The following SNRPA1 variants were observed in gnomAD, a reference collection of about 807,000 sequenced individuals.
SNRPA1 encodes the protein U2 small nuclear ribonucleoprotein A'.
Under a neutral mutation model 32.3 loss-of-function variants are expected in SNRPA1, and 5 were observed. That is an observed-to-expected ratio of 0.15 (90% CI 0.08 to 0.33). The LOEUF (loss-of-function observed/expected upper bound fraction) is 0.33. Ranked by LOEUF, SNRPA1 falls within the 10% of genes least tolerant of loss-of-function variation. The pLI is 1.00. For synonymous variants in SNRPA1, 111 were observed against 120.1 expected, an observed-to-expected ratio of 0.92 and a Z score of 0.50; for missense variants, 198 against 311.1, an observed-to-expected ratio of 0.64 and a Z score of 2.74.
chr15:101,292,560 A>G (rs915630916), intron 2 of SNRPA1, among the ~76,000 whole-genome samples: 2 of 151,636 alleles, frequency 1.3e-5, no homozygotes, highest in African/African-American at 4.9e-5. Flanking sequence ...CTCAATTTCA[A>G]TAAGTAACAG....
At chr15:101,281,878 A>C in intron 8 of SNRPA1, 96 bp from the exon 9 acceptor site, 1 of 1,148,764 alleles carries the variant, frequency 8.7e-7, no homozygotes, top group East Asian at 2.4e-5. Context: ...TTTGTTACAC[A>C]CTGAAGTAGG....
rs1170246471 is a variant in SNRPA1, at chr15:101,286,137, T to C, written c.539+77A>G. On this transcript the variant is annotated intron_variant, in intron 6 of 8. Transcript: ENST00000254193. Reference sequence around the variant, plus strand: ...ATGTCAGAGTTTTTGGTTAATTTTGTAGGAGACGAACTGCCAGACAGATCA... The same window carrying C: ...ATGTCAGAGTTTTTGGTTAATTTTGCAGGAGACGAACTGCCAGACAGATCA... The C allele has an allele frequency of 1.3e-5, 16 of 1,246,750 alleles. 1 individual carries two copies. In the Admixed American group the frequency reaches 2.6e-4, roughly 21 times the overall value. 77.2% of individuals were successfully genotyped at this position (1,246,750 alleles called of 1,614,324 possible).
chr15:101,287,839 A>G (rs2039473212), intron 3 of SNRPA1, 137 bp from the exon 4 acceptor site: 1 of 696,774 alleles, frequency 1.4e-6, no homozygotes, highest in Non-Finnish European at 2.6e-6. Flanking sequence ...GCCCAATACT[A>G]GCACATCACA....
At chr15:101,294,737 C>T (rs2039567905) in intron 1 of SNRPA1, 2 of 274,890 alleles carry the variant, frequency 7.3e-6, no homozygotes, top group East Asian at 6.3e-5. Context: ...AAGAACCAAT[C>T]CCGCGCCCTG....
intron 2 of SNRPA1, 40 bp downstream of exon 2, chr15:101,292,984 TA>T (rs2039544194): frequency 6.8e-7 from 1 of 1,460,812 alleles, no homozygotes; most frequent in East Asian, 2.4e-5. Context: ...CTGCAACATT[TA>T]CTCTAGGGGA....
chr15:101,281,520 A>G lies in SNRPA1; in HGVS notation c.*204T>C, dbSNP rs1318104108. 2 of 541,808 alleles carry G rather than the reference A, an allele frequency of 3.7e-6. No individual in the cohort carries two copies. The highest frequency in any genetic ancestry group is 3.4e-6 in the Non-Finnish European group (1 of 297,682). The allele number at this position is 541,808 out of a possible 1,614,324, so 33.6% of individuals were successfully genotyped here. On this transcript the variant is annotated 3_prime_UTR_variant, in exon 9 of 9. Transcript: ENST00000254193. ...ATGATGACACACAACTTGGTAGCAT[A>G]GTGAGTGGAGTTTATTTTTATAATT...
chr15:101,293,453 A>G, intron 1 of SNRPA1: 1 of 233,392 alleles, frequency 4.3e-6, no homozygotes, highest in Non-Finnish European at 8.4e-6. Flanking sequence ...AACATTTATA[A>G]GAACATTTAC....
chr15:101,292,958 A>G (rs553344838), intron 2 of SNRPA1, 67 bp downstream of exon 2: 4 of 1,121,298 alleles, frequency 3.6e-6, no homozygotes, highest in African/African-American at 1.6e-5. Flanking sequence ...ACGTGCTACA[A>G]CTTCTTCAGG....
chr15:101,283,557 C>A (rs2141305261), intron 8 of SNRPA1, among the ~76,000 whole-genome samples: 1 of 151,256 alleles, frequency 6.6e-6, no homozygotes, highest in Non-Finnish European at 1.5e-5. Flanking sequence ...CAGAGCGAGA[C>A]TCCGTCTCAA....
chr15:101,290,122 A>G (rs2039505642), intron 3 of SNRPA1, among the ~76,000 whole-genome samples: 1 of 152,242 alleles, frequency 6.6e-6, no homozygotes, highest in Non-Finnish European at 1.5e-5. Context: ...TCACAACATA[A>G]TAAAAAGTTT....
rs763788242 is a variant in SNRPA1, at chr15:101,295,103, G to A, written c.76C>T (p.Leu26Phe). 3.3e-6 allele frequency: 5 copies of A among 1,527,998 alleles called. No individual in the cohort carries two copies. The highest frequency in any genetic ancestry group is 4.0e-5 in the Admixed American group (2 of 49,994). 94.7% of individuals were successfully genotyped at this position (1,527,998 alleles called of 1,614,324 possible). ...CCCACGCCCCCGGACTCACCCCGGA[G>A]GTCCAGCTCCCGGTCGCGCACCGCG... ...TNAVRDRELD[L>F]RGYKIPVIEN... Residue 26 changes from leucine to phenylalanine, a missense_variant, in exon 1 of 9, where the codon CTC (leucine) becomes TTC (phenylalanine). Coordinates refer to ENST00000254193, the MANE Select transcript of SNRPA1 (RefSeq NM_003090.4).
chr15:101,287,621 G>T, intron 4 of SNRPA1, 35 bp downstream of exon 4: 1 of 1,574,548 alleles, frequency 6.4e-7, no homozygotes, highest in Non-Finnish European at 8.7e-7. Context: ...TTATTTTAAA[G>T]GGCTTCATTT....
intron 8 of SNRPA1, among the ~76,000 whole-genome samples, chr15:101,283,854 C>T (rs921260607): frequency 1.3e-5 from 2 of 152,112 alleles, no homozygotes; most frequent in East Asian, 3.9e-4. Context: ...GCAGGAGAAT[C>T]GCTTGAACCC....
chr15:101,295,218 G>A lies in SNRPA1; in HGVS notation c.-40C>T, dbSNP rs761559041. The A allele has an allele frequency of 1.1e-5, 17 of 1,483,562 alleles. No individual in the cohort carries two copies. Among genetic ancestry groups the A allele is most frequent in the South Asian group, 3.8e-5 (3 of 78,122 alleles). The allele number at this position is 1,483,562 out of a possible 1,614,324, so 91.9% of individuals were successfully genotyped here. On this transcript the variant is annotated 5_prime_UTR_variant, in exon 1 of 9. Coordinates refer to ENST00000254193, the MANE Select transcript of SNRPA1 (RefSeq NM_003090.4). Reference sequence around the variant, plus strand: ...TTCCCCCGCGCTGTGGAAAGCCCGTGGCCTCCCGCCAGCGAGACGTCCCAG... The same window carrying A: ...TTCCCCCGCGCTGTGGAAAGCCCGTAGCCTCCCGCCAGCGAGACGTCCCAG...
In SNRPA1 at chr15:101,295,179, C is replaced by T. The variant is rs1283711692; in HGVS notation, c.-1G>A. The T allele has an allele frequency of 6.5e-6, 10 of 1,544,962 alleles. No homozygotes were observed. The highest frequency in any genetic ancestry group is 2.3e-4 in the Middle Eastern group (1 of 4,378). On this transcript the variant is annotated 5_prime_UTR_variant, in exon 1 of 9. Transcript: ENST00000254193. ...TCAGCTCCGCCGTCAGCTTGACCAT[C>T]CTGCAGCCTCCCGTTCCCCCGCGCT...
chr15:101,286,629 C>T (rs115929980), intron 5 of SNRPA1: 191 of 453,128 alleles, frequency 4.2e-4, no homozygotes, highest in African/African-American at 3.4e-3. Context: ...CCGCTGGGAA[C>T]GTATCTAGGC....
chr15:101,287,726 A>C, intron 3 of SNRPA1, 24 bp from the exon 4 acceptor site: 1 of 1,610,592 alleles, frequency 6.2e-7, no homozygotes, highest in Non-Finnish European at 8.5e-7. Context: ...GCCACAGGTA[A>C]GAACGCGAAT....
chr15:101,294,272 A>C (rs1013417221), intron 1 of SNRPA1, among the ~76,000 whole-genome samples: 1 of 152,236 alleles, frequency 6.6e-6, no homozygotes, highest in African/African-American at 2.4e-5. Flanking sequence ...GATTTCCCAA[A>C]GGTCGGCAAG....
chr15:101,289,767 TAAA>T (rs72467325), intron 3 of SNRPA1: 11 of 142,310 alleles, frequency 7.7e-5, no homozygotes, highest in South Asian at 2.3e-4. Flanking sequence ...TCGTCTCTAC[TAAA>T]AAAAAAAAAA....
Sources: allele counts gnomAD v4.1 joint callset (sites outside exome capture counted in the v4.1 genomes callset), GRCh38; gene constraint gnomAD v4.1.1; transcripts MANE v1.5; gene names NCBI Gene and HGNC (gene_info 2026-07-23, HGNC 2026-07-21).